The following PTPRT variants were observed in gnomAD, a reference collection of about 807,000 sequenced individuals.
PTPRT encodes protein tyrosine phosphatase receptor type T, also known as receptor-type tyrosine-protein phosphatase T.
A neutral mutation model predicts 176.8 loss-of-function variants in PTPRT; 56 were observed. That is an observed-to-expected ratio of 0.32 (90% CI 0.26 to 0.40). PTPRT has a LOEUF of 0.40. Ranked by LOEUF, PTPRT falls within the 10% of genes least tolerant of loss-of-function variation. The pLI, the probability that PTPRT is intolerant of heterozygous loss-of-function variation, is 1.00. For synonymous variants in PTPRT, 783 were observed against 739.0 expected, an observed-to-expected ratio of 1.06 and a Z score of -0.96; for missense variants, 1,540 against 1,908.2, an observed-to-expected ratio of 0.81 and a Z score of 3.60.
chr20:42,857,391 A>T (rs1458645216), intron 2 of PTPRT, among the ~76,000 whole-genome samples: 1 of 152,180 alleles, frequency 6.6e-6, no homozygotes, highest in African/African-American at 2.4e-5. Flanking sequence ...CTTAATCCAT[A>T]TCCCCAAGTT....
intron 15 of PTPRT, among the ~76,000 whole-genome samples, chr20:42,227,192 G>A (rs1273260195): frequency 6.6e-6 from 1 of 151,846 alleles, no homozygotes; most frequent in East Asian, 1.9e-4. Flanking sequence ...AGAGGAGGAA[G>A]GGAAGAGGAA....
chr20:42,591,384 C>T (rs1431229202), intron 7 of PTPRT, among the ~76,000 whole-genome samples: 3 of 152,154 alleles, frequency 2.0e-5, no homozygotes, highest in Admixed American at 6.5e-5. Context: ...ATATCTATAG[C>T]TTCTTGAACC....
At chr20:42,152,010 C>T (rs1027083492) in intron 17 of PTPRT, among the ~76,000 whole-genome samples, 3 of 152,142 alleles carry the variant, frequency 2.0e-5, no homozygotes, top group South Asian at 2.1e-4. Context: ...TTACTGATGT[C>T]GATGGTCAGC....
chr20:42,612,464 T>C (rs1414207057), intron 7 of PTPRT, among the ~76,000 whole-genome samples: 1 of 152,160 alleles, frequency 6.6e-6, no homozygotes, highest in Non-Finnish European at 1.5e-5. Context: ...ACATTACACG[T>C]CATCACTCTT....
rs1491165117 is a variant in PTPRT at position 42,446,621 on chromosome 20, T to TGTGAGA, written c.1560+1598_1560+1599insTCTCAC. On this transcript the variant is annotated intron_variant, in intron 9 of 30. Transcript: ENST00000373187. Reference sequence around the variant, plus strand: ...GTGTGTGTGTGTGTGTGTGTGTGTGTGAGAGAGAGAGAGAGATTGTGGTTT... The same window carrying TGTGAGA: ...GTGTGTGTGTGTGTGTGTGTGTGTGTGTGAGAGAGAGAGAGAGAGAGATTGTGGTTT... Among the ~76,000 whole-genome samples the TGTGAGA allele has an allele frequency of 1.9e-3, 243 of 130,150 alleles. 1 individual carries two copies. The highest frequency in any genetic ancestry group is 6.2e-3 in the African/African-American group (218 of 35,412). The allele number at this position is 130,150 out of a possible 152,430, so 85.4% of individuals were successfully genotyped here. A position where few individuals can be genotyped will look rare whatever the true frequency, so the allele number is the denominator to read the frequency against.
intron 1 of PTPRT, among the ~76,000 whole-genome samples, chr20:42,973,304 GAA>G (rs1313666130): frequency 6.6e-6 from 1 of 152,086 alleles, no homozygotes; most frequent in Non-Finnish European, 1.5e-5. Context: ...AAAAAACCTT[GAA>G]AATAACCAGC....
intron 6 of PTPRT, among the ~76,000 whole-genome samples, chr20:42,727,185 C>T (rs1440051656): frequency 2.0e-5 from 3 of 152,170 alleles, no homozygotes; most frequent in African/African-American, 7.2e-5. Context: ...GACTGCTCTT[C>T]TCATTTGGGC....
intron 6 of PTPRT, among the ~76,000 whole-genome samples, chr20:42,743,929 T>C (rs1336417192): frequency 6.6e-6 from 1 of 152,232 alleles, no homozygotes; most frequent in East Asian, 1.9e-4. Context: ...GCGGTGCTTG[T>C]TTTTGAACTG....
At chr20:43,102,062 G>A (rs910073171) in intron 1 of PTPRT, among the ~76,000 whole-genome samples, 2 of 152,150 alleles carry the variant, frequency 1.3e-5, no homozygotes, top group Admixed American at 6.5e-5. Context: ...AGGGCATGGA[G>A]CCCTAGCTAA....
At chr20:42,622,875 C>T (rs2074224317) in intron 7 of PTPRT, among the ~76,000 whole-genome samples, 1 of 152,150 alleles carries the variant, frequency 6.6e-6, no homozygotes, top group Non-Finnish European at 1.5e-5. Context: ...AGCCAAGAAA[C>T]CCACAGCCCT....
chr20:42,134,890 C>A (rs1387128174), intron 18 of PTPRT, among the ~76,000 whole-genome samples: 1 of 152,248 alleles, frequency 6.6e-6, no homozygotes, highest in Non-Finnish European at 1.5e-5. Flanking sequence ...ACCTACTTCT[C>A]TCTCCAGCTT....
intron 2 of PTPRT, among the ~76,000 whole-genome samples, chr20:42,845,611 GC>G (rs1290884719): frequency 6.6e-6 from 1 of 152,124 alleles, no homozygotes; most frequent in African/African-American, 2.4e-5. Context: ...GGGTCACACA[GC>G]CCACCTGCTG....
intron 1 of PTPRT, among the ~76,000 whole-genome samples, chr20:43,169,430 T>C (rs987676593): frequency 6.6e-6 from 1 of 152,222 alleles, no homozygotes; most frequent in Non-Finnish European, 1.5e-5. Context: ...CCCTCATACC[T>C]AGCAGCTGCA....
At chr20:42,468,081 A>C (rs959443381) in intron 8 of PTPRT, among the ~76,000 whole-genome samples, 1 of 152,210 alleles carries the variant, frequency 6.6e-6, no homozygotes, top group African/African-American at 2.4e-5. Flanking sequence ...TGCTACCCAA[A>C]TGAAGCCATG....
At chr20:43,025,879 T>G (rs1406734447) in intron 1 of PTPRT, among the ~76,000 whole-genome samples, 1 of 152,058 alleles carries the variant, frequency 6.6e-6, no homozygotes, top group Admixed American at 6.5e-5. Context: ...CTGGCACCCT[T>G]GCTTAGGAAG....
intron 7 of PTPRT, among the ~76,000 whole-genome samples, chr20:42,599,545 G>T (rs562215795): frequency 6.6e-6 from 1 of 152,240 alleles, no homozygotes; most frequent in South Asian, 2.1e-4. Context: ...CATAGGCTAA[G>T]GAGCTCCAGG....
the PTPRT span, among the ~76,000 whole-genome samples, chr20:42,054,772 T>A: frequency 6.6e-6 from 1 of 152,130 alleles, no homozygotes; most frequent in East Asian, 1.9e-4. Context: ...GTGTCAGGGC[T>A]CACTCAACTG....
At chr20:42,415,378 G>C (rs1443338665) in intron 9 of PTPRT, among the ~76,000 whole-genome samples, 2 of 151,764 alleles carry the variant, frequency 1.3e-5, no homozygotes, top group Non-Finnish European at 2.9e-5. Flanking sequence ...TTGTTTGTTT[G>C]TTTGTTTGTT....
chr20:43,181,318 G>A (rs1348769518), intron 1 of PTPRT, among the ~76,000 whole-genome samples: 1 of 152,168 alleles, frequency 6.6e-6, no homozygotes. Context: ...CCACTGCATT[G>A]GGGGAGTGAC....
Sources: allele counts gnomAD v4.1 joint callset (sites outside exome capture counted in the v4.1 genomes callset), GRCh38; gene constraint gnomAD v4.1.1; transcripts MANE v1.5; gene names NCBI Gene and HGNC (gene_info 2026-07-23, HGNC 2026-07-21).